The following CPNE5 variants were observed in gnomAD, a reference collection of about 807,000 sequenced individuals.
The protein encoded by CPNE5 is copine 5.
Under a neutral mutation model 81.1 loss-of-function variants are expected in CPNE5, and 42 were observed. The ratio of observed to expected loss-of-function variants is 0.52; its 90% CI spans 0.40 to 0.67. The LOEUF (loss-of-function observed/expected upper bound fraction) is 0.67. Ranked by LOEUF, CPNE5 falls within the 30% of genes least tolerant of loss-of-function variation. The pLI is 0.00. For synonymous variants in CPNE5, 313 were observed against 321.5 expected (o/e 0.97, Z 0.28); for missense variants, 612 against 815.5 (o/e 0.75, Z 3.04).
At chr6:36,795,468 C>T (rs114537403) in intron 6 of CPNE5, among the ~76,000 whole-genome samples, 1,971 of 152,272 alleles carry the variant, frequency 0.013, 18 homozygotes, top group Non-Finnish European at 0.02. Flanking sequence ...CGTGAGCCAC[C>T]ATGCCCAGCC....
At chr6:36,823,816 A>G (rs1294713417) in intron 1 of CPNE5, among the ~76,000 whole-genome samples, 1 of 152,216 alleles carries the variant, frequency 6.6e-6, no homozygotes, top group Non-Finnish European at 1.5e-5. Context: ...CTGTTTTACA[A>G]ATATGAGCTC....
At chr6:36,827,857 T>C (rs1223198043) in intron 1 of CPNE5, 7 of 636,212 alleles carry the variant, frequency 1.1e-5, no homozygotes, top group Non-Finnish European at 1.1e-5. Context: ...AAATTTTTTT[T>C]AGCAGGAAAA....
intron 6 of CPNE5, among the ~76,000 whole-genome samples, chr6:36,797,234 G>A (rs1769670399): frequency 1.3e-5 from 2 of 152,342 alleles, no homozygotes; most frequent in Middle Eastern, 3.4e-3. Context: ...CATGGTGAGG[G>A]GACAGCGTCC....
chr6:36,796,500 T>TG (rs1212888698), intron 6 of CPNE5, among the ~76,000 whole-genome samples: 1 of 152,032 alleles, frequency 6.6e-6, no homozygotes, highest in East Asian at 1.9e-4. Context: ...AAGCCACGGG[T>TG]GGGGGTGCTG....
rs193281436 is a variant in CPNE5, at chr6:36,815,024, G to A, written c.183+7090C>T. The stretch of plus-strand genomic sequence containing the variant: ...AAATAGAAAATTAGTCGGGCGTGGT[G>A]GTGCACGCCTGTAATCCCAGCTACT... On this transcript the variant is annotated intron_variant, in intron 3 of 20. Coordinates refer to ENST00000244751, the MANE Select transcript of CPNE5 (RefSeq NM_020939.2). 1.9e-4 allele frequency among the ~76,000 whole-genome samples: 29 copies of A among 152,114 alleles called. No individual in the cohort carries two copies. In the East Asian group the frequency reaches 5.6e-3, roughly 30 times the overall value.
chr6:36,769,831 G>T (rs1269806250), intron 10 of CPNE5, among the ~76,000 whole-genome samples: 2 of 152,166 alleles, frequency 1.3e-5, no homozygotes, highest in Non-Finnish European at 2.9e-5. Context: ...GCCCTCCTGG[G>T]AGCTCATCTG....
chr6:36,782,816 A>AACACAC (rs3997726), intron 8 of CPNE5, among the ~76,000 whole-genome samples: 3,108 of 126,256 alleles, frequency 0.025, 49 homozygotes, highest in Middle Eastern at 0.042. Flanking sequence ...CAAAAACCAA[A>AACACAC]ACACACACAC....
chr6:36,744,938 T>C lies in CPNE5; in HGVS notation c.1431+110A>G. 5 of 750,946 alleles carry C rather than the reference T, an allele frequency of 6.7e-6. 1 individual carries two copies. Among genetic ancestry groups the C allele is most frequent in the South Asian group, 6.5e-5 (4 of 61,740 alleles). The allele number at this position is 750,946 out of a possible 1,614,324, so 46.5% of individuals were successfully genotyped here. A position where few individuals can be genotyped will look rare whatever the true frequency, so the allele number is the denominator to read the frequency against. On this transcript the variant is annotated intron_variant, in intron 18 of 20. Coordinates refer to ENST00000244751, the MANE Select transcript of CPNE5 (RefSeq NM_020939.2). ...GAAATGAGAAGCCACGCCCAAGTCATCTCCAAGCATTTCCCTAAGGTCAAG... is the reference window on the plus strand; with the variant it reads ...GAAATGAGAAGCCACGCCCAAGTCACCTCCAAGCATTTCCCTAAGGTCAAG...
At chr6:36,834,324 GA>G (rs144148857) in intron 1 of CPNE5, among the ~76,000 whole-genome samples, 4 of 121,552 alleles carry the variant, frequency 3.3e-5, no homozygotes, top group Non-Finnish European at 1.7e-5. Context: ...AGGAAGGAAA[GA>G]AAAAAAAAAC....
chr6:36,746,641 T>A lies in CPNE5; in HGVS notation c.1019-64A>T. 6.7e-7 allele frequency: 1 copy of A among 1,488,726 alleles called. No homozygotes were observed. The highest frequency in any genetic ancestry group is 9.1e-7 in the Non-Finnish European group (1 of 1,099,166). The allele number at this position is 1,488,726 out of a possible 1,614,324, so 92.2% of individuals were successfully genotyped here. On this transcript the variant is annotated intron_variant, in intron 15 of 20. Coordinates refer to ENST00000244751, the MANE Select transcript of CPNE5 (RefSeq NM_020939.2). This position sits in a 1 kb window ranked among gnomAD's most constrained non-coding sequence, Gnocchi z 4.5. ...CCTCCAAGTCACCCCGGGTTCAGAA[T>A]GAAGAAGGGGGTGTCCAAGGGCACC...
intron 12 of CPNE5, 120 bp downstream of exon 12, chr6:36,762,797 A>G (rs1468193342): frequency 2.5e-6 from 2 of 797,344 alleles, no homozygotes; most frequent in Non-Finnish European, 4.3e-6. Flanking sequence ...AGAATGGGAC[A>G]ATAACCCCTT....
At chr6:36,756,396 C>T in intron 12 of CPNE5, 98 bp from the exon 13 acceptor site, 2 of 998,404 alleles carry the variant, frequency 2.0e-6, no homozygotes, top group Admixed American at 1.9e-5. Context: ...CCAAGCCCAG[C>T]CCCATTAGAG....
Position 36,794,604 on chromosome 6 carries a change from T to G in CPNE5, c.450A>C (p.Pro150=), listed in dbSNP as rs1464269036. The part of the protein sequence containing the change: ...SLNSRTGKPM[P]AVSNGGVPGK... ...TGGCAACGTACCCGTTGGACACAGC[T>G]GGCATGGGTTTGCCCGTCCTGGAAT... The change falls in exon 7 of 21, where the codon CCA becomes CCC. Residue 150 remains proline (P), a synonymous_variant. Coordinates refer to ENST00000244751, the MANE Select transcript of CPNE5 (RefSeq NM_020939.2). 1 of 1,614,074 alleles carries G rather than the reference T, an allele frequency of 6.2e-7. No homozygotes were observed. Among genetic ancestry groups the G allele is most frequent in the Non-Finnish European group, 8.5e-7 (1 of 1,179,978 alleles).
Position 36,794,664 on chromosome 6 carries a change from G to T in CPNE5, c.405-15C>A, listed in dbSNP as rs369460399. On this transcript the variant is annotated splice_polypyrimidine_tract_variant and intron_variant, in intron 6 of 20. Coordinates refer to ENST00000244751, the MANE Select transcript of CPNE5 (RefSeq NM_020939.2). ...ATGCGCCTATCCTGTGGAGAGAGAG[G>T]GGGAGAGAGAGCATGCCATGAGCTG... is the stretch of plus-strand genomic sequence containing the variant. 4.8e-5 allele frequency: 77 copies of T among 1,613,096 alleles called. 1 individual carries two copies. In the South Asian group the frequency reaches 8.4e-4, roughly 18 times the overall value.
rs1554192568 is a variant in CPNE5 at position 36,743,832 on chromosome 6, G to A, written c.1490-70C>T. On this transcript the variant is annotated intron_variant, in intron 19 of 20. Transcript: ENST00000244751. ...GACCCCTGGCCCTAGCAGGAGAGTG[G>A]ACTTGTCCTTTCATCCCAGGCCAAT... The A allele has an allele frequency of 5.9e-6, 8 of 1,357,288 alleles. No individual in the cohort carries two copies. In the South Asian group the frequency reaches 9.3e-5, roughly 16 times the overall value. 84.1% of individuals were successfully genotyped at this position (1,357,288 alleles called of 1,614,324 possible). A position where few individuals can be genotyped will look rare whatever the true frequency, so the allele number is the denominator to read the frequency against.
At chr6:36,760,957 C>T (rs1218327959) in intron 12 of CPNE5, among the ~76,000 whole-genome samples, 3 of 152,336 alleles carry the variant, frequency 2.0e-5, no homozygotes, top group East Asian at 1.9e-4. Flanking sequence ...GATGGCCTTC[C>T]GATGTGTGCA....
chr6:36,741,044 C>A lies in CPNE5; in HGVS notation c.*1224G>T, dbSNP rs1065261. Reference sequence around the variant, plus strand: ...GCTGGGTGGGCCCGGGAGGGAGATCCCCTTCTTCCCCACCTTTCCCACAGC... The same window carrying A: ...GCTGGGTGGGCCCGGGAGGGAGATCACCTTCTTCCCCACCTTTCCCACAGC... On this transcript the variant is annotated 3_prime_UTR_variant, in exon 21 of 21. Transcript: ENST00000244751. 0.45 allele frequency: 69,057 copies of A among 152,078 alleles called. 15,978 individuals carry two copies. Among genetic ancestry groups the A allele is most frequent in the Non-Finnish European group, 0.51 (34,678 of 68,012 alleles). 9.4% of individuals were successfully genotyped at this position (152,078 alleles called of 1,614,324 possible). A position where few individuals can be genotyped will look rare whatever the true frequency, so the allele number is the denominator to read the frequency against.
chr6:36,801,802 G>T (rs1373581611), intron 3 of CPNE5, among the ~76,000 whole-genome samples: 1 of 152,198 alleles, frequency 6.6e-6, no homozygotes, highest in African/African-American at 2.4e-5. Context: ...GGGGCAGGGT[G>T]GAGGGGTATA....
intron 10 of CPNE5, among the ~76,000 whole-genome samples, chr6:36,773,963 G>T (rs1242422247): frequency 6.6e-6 from 1 of 152,094 alleles, no homozygotes; most frequent in East Asian, 1.9e-4. Flanking sequence ...CTACTCGGGA[G>T]GCTGAGGTGG....
Sources: gnomAD v4.1 joint callset for allele counts (sites outside exome capture counted in the v4.1 genomes callset) on GRCh38, gnomAD v4.1.1 for gene constraint, Gnocchi (gnomAD v3.1) non-coding constraint, MANE v1.5 for transcripts, NCBI Gene and HGNC (gene_info 2026-07-23, HGNC 2026-07-21) for gene names.